Variants in ZC4H2 observed in about 807,000 individuals in gnomAD.
ZC4H2 encodes zinc finger C4H2 domain-containing protein.
For missense variants in ZC4H2, 137 were observed against 173.9 expected (o/e 0.79, Z 1.19); for synonymous variants, 84 against 66.3 (o/e 1.27, Z -1.30).
At chrX:64,999,142 G>A (rs962331069) in intron 1 of ZC4H2, among the ~76,000 whole-genome samples, 1 of 105,829 alleles carries the variant, frequency 9.4e-6, no homozygotes, top group African/African-American at 3.5e-5. Flanking sequence ...TACTGGGGTG[G>A]CTGGCAAGAT....
At chrX:64,944,104 G>A (rs1311607943) in intron 1 of ZC4H2, among the ~76,000 whole-genome samples, 1 of 107,847 alleles carries the variant, frequency 9.3e-6, no homozygotes, top group Admixed American at 1.0e-4. Flanking sequence ...TATTTTAGCT[G>A]GATATGAAAT....
rs1301958896 is a variant in ZC4H2, at chrX:64,970,519, G to GGGAA, written c.53+5802_53+5805dup. On this transcript the variant is annotated intron_variant, in intron 1 of 4. Transcript: ENST00000374839. ...GAGGAAGGGAGGGAGGGAGGGAGGGGGGAAGGAAGGAAGGAAGGGAGGAAG... is the reference window on the plus strand; with the variant it reads ...GAGGAAGGGAGGGAGGGAGGGAGGGGGGAAGGAAGGAAGGAAGGAAGGGAGGAAG... Among the ~76,000 whole-genome samples, 6 of 107,611 alleles carry GGGAA rather than the reference G, an allele frequency of 5.6e-5. No homozygotes were observed. In the South Asian group the frequency reaches 1.3e-3, roughly 23 times the overall value. The allele number at this position is 107,611 out of a possible 115,157, so 93.4% of individuals were successfully genotyped here.
intron 1 of ZC4H2, among the ~76,000 whole-genome samples, chrX:64,966,713 T>G (rs1490725436): frequency 8.9e-6 from 1 of 112,156 alleles, no homozygotes; most frequent in East Asian, 2.8e-4. Context: ...AGGCCACATT[T>G]GTATAACTAT....
At chrX:64,979,511 A>C (rs927714225), upstream of ZC4H2, among the ~76,000 whole-genome samples, 1 of 112,328 alleles carries the variant, frequency 8.9e-6, no homozygotes, top group Non-Finnish European at 1.9e-5. Flanking sequence ...CCTCCTTGAG[A>C]ACAGATGTCT....
intron 1 of ZC4H2, among the ~76,000 whole-genome samples, chrX:64,948,002 A>G (rs73512561): frequency 0.084 from 9,286 of 111,108 alleles, 1,038 homozygotes; most frequent in African/African-American, 0.29. Context: ...CTTTTAACAG[A>G]TGATGTCAGA....
intron 1 of ZC4H2, among the ~76,000 whole-genome samples, chrX:64,984,568 C>T (rs781502451): frequency 9.0e-6 from 1 of 111,392 alleles, no homozygotes; most frequent in Non-Finnish European, 1.9e-5. Flanking sequence ...GGTGGCCCAG[C>T]TGGTCCATCA....
intron 1 of ZC4H2, among the ~76,000 whole-genome samples, chrX:64,933,758 C>T (rs1929861577): frequency 9.0e-6 from 1 of 110,650 alleles, no homozygotes; most frequent in Non-Finnish European, 1.9e-5. Context: ...AGCTTATTTC[C>T]TTCTCTCATG....
chrX:64,927,296 G>A (rs1057209533), intron 1 of ZC4H2, among the ~76,000 whole-genome samples: 3 of 107,546 alleles, frequency 2.8e-5, no homozygotes, highest in Non-Finnish European at 5.8e-5. Flanking sequence ...CCCCCACCCC[G>A]ACAGGCCCCA....
chrX:65,028,243 C>A (rs1354130178), intron 1 of ZC4H2, among the ~76,000 whole-genome samples: 1 of 111,174 alleles, frequency 9.0e-6, no homozygotes. Context: ...TATACAAATT[C>A]ATCCATTCAT....
intron 1 of ZC4H2, among the ~76,000 whole-genome samples, chrX:64,926,877 G>C (rs1929443665): frequency 8.9e-6 from 1 of 111,768 alleles, no homozygotes; most frequent in Admixed American, 9.5e-5. Context: ...CTGTAAGATT[G>C]AGTATGGATA....
At chrX:64,958,877 C>T (rs1931269963) in intron 1 of ZC4H2, among the ~76,000 whole-genome samples, 1 of 111,384 alleles carries the variant, frequency 9.0e-6, no homozygotes. Context: ...AGAATATACC[C>T]TGAGCTGATC....
upstream of ZC4H2, among the ~76,000 whole-genome samples, chrX:64,981,158 A>G (rs777602805): frequency 9.0e-6 from 1 of 111,593 alleles, no homozygotes; most frequent in African/African-American, 3.3e-5. Context: ...GGGGAGCAGA[A>G]GTAGACTGAG....
At chrX:64,932,506 T>A (rs1391988074) in intron 1 of ZC4H2, among the ~76,000 whole-genome samples, 2 of 111,843 alleles carry the variant, frequency 1.8e-5, no homozygotes, top group Non-Finnish European at 3.8e-5. Context: ...TATATCAAGG[T>A]TTTCTTTCAA....
At chrX:64,943,418 A>C (rs898809686) in intron 1 of ZC4H2, among the ~76,000 whole-genome samples, 7 of 111,575 alleles carry the variant, frequency 6.3e-5, no homozygotes, top group Admixed American at 9.5e-5. Flanking sequence ...TATGTCTAAC[A>C]TTGAGAGTGG....
chrX:65,010,460 C>G (rs1932739840), intron 1 of ZC4H2, among the ~76,000 whole-genome samples: 1 of 112,061 alleles, frequency 8.9e-6, no homozygotes, highest in Admixed American at 9.5e-5. Flanking sequence ...TCAGGACTTT[C>G]AAATCTTTTT....
At chrX:64,966,140 G>T (rs1306360169) in intron 1 of ZC4H2, among the ~76,000 whole-genome samples, 1 of 111,040 alleles carries the variant, frequency 9.0e-6, no homozygotes, top group East Asian at 2.8e-4. Context: ...TGAACAAAAG[G>T]TTTGAATAAA....
intron 1 of ZC4H2, among the ~76,000 whole-genome samples, chrX:65,015,865 TTC>T (rs1192907845): frequency 9.0e-6 from 1 of 110,962 alleles, no homozygotes; most frequent in Non-Finnish European, 1.9e-5. Context: ...TTCCCATCTC[TTC>T]TCTTAGTCTT....
intron 1 of ZC4H2, among the ~76,000 whole-genome samples, chrX:64,992,663 G>C (rs902481208): frequency 9.0e-6 from 1 of 111,532 alleles, no homozygotes; most frequent in African/African-American, 3.3e-5. Flanking sequence ...TTCAGGGCTA[G>C]ATTTCTGCTT....
chrX:64,986,774 C>T (rs1932193843), intron 1 of ZC4H2, among the ~76,000 whole-genome samples: 1 of 110,904 alleles, frequency 9.0e-6, no homozygotes, highest in Non-Finnish European at 1.9e-5. Flanking sequence ...GTGACCTGGA[C>T]AGCAAATTGG....
Sources: allele counts gnomAD v4.1 joint callset (sites outside exome capture counted in the v4.1 genomes callset), GRCh38; gene constraint gnomAD v4.1.1; transcripts MANE v1.5; gene names NCBI Gene and HGNC (gene_info 2026-07-23, HGNC 2026-07-21).